The following FAM222A variants were observed in gnomAD, a reference collection of about 807,000 sequenced individuals.
FAM222A encodes the protein family with sequence similarity 222 member A.
A neutral mutation model predicts 25.8 loss-of-function variants in FAM222A; 7 were observed. The ratio of observed to expected loss-of-function variants is 0.27; its 90% CI spans 0.15 to 0.51. FAM222A has a LOEUF of 0.51. FAM222A is among the 20% of genes least tolerant of loss of function. The pLI is 0.97. For synonymous variants in FAM222A, 294 were observed against 298.8 expected, an observed-to-expected ratio of 0.98 and a Z score of 0.17; for missense variants, 573 against 640.5, an observed-to-expected ratio of 0.89 and a Z score of 1.14.
chr12:109,719,020 C>T (rs1289162530), intron 1 of FAM222A, among the ~76,000 whole-genome samples: 2 of 152,196 alleles, frequency 1.3e-5, no homozygotes, highest in Non-Finnish European at 2.9e-5. Flanking sequence ...GAGTTAGTGC[C>T]ACTTCAGAGA....
intron 2 of FAM222A, among the ~76,000 whole-genome samples, chr12:109,765,464 T>C (rs535079185): frequency 8.5e-5 from 13 of 152,232 alleles, no homozygotes; most frequent in Admixed American, 7.8e-4. Context: ...TCCTCCCGAG[T>C]CATTTGCAGT....
At chr12:109,732,185 C>G (rs976761361) in intron 1 of FAM222A, among the ~76,000 whole-genome samples, 1 of 152,254 alleles carries the variant, frequency 6.6e-6, no homozygotes, top group Admixed American at 6.5e-5. Context: ...CCCTCACACC[C>G]ATGCTTCTGA....
intron 2 of FAM222A, among the ~76,000 whole-genome samples, chr12:109,746,342 A>T (rs1344434533): frequency 6.6e-6 from 1 of 152,124 alleles, no homozygotes; most frequent in Non-Finnish European, 1.5e-5. Context: ...TACAAAAATT[A>T]TCCAGGCATG....
chr12:109,764,487 T>C (rs1352669845), intron 2 of FAM222A, among the ~76,000 whole-genome samples: 1 of 152,204 alleles, frequency 6.6e-6, no homozygotes, highest in African/African-American at 2.4e-5. Context: ...GATTTAATCA[T>C]TTTCACAGTT....
At chr12:109,730,655 G>A (rs189819867) in intron 1 of FAM222A, among the ~76,000 whole-genome samples, 105 of 152,292 alleles carry the variant, frequency 6.9e-4, no homozygotes, top group Middle Eastern at 3.4e-3. Context: ...GCGTGTGTCT[G>A]GTCATCTTTG....
In FAM222A at chr12:109,744,199, G is replaced by A. The variant is rs369986211; in HGVS notation, c.53G>A (p.Cys18Tyr). ...TQNAPGQHLA[C>Y]PSKSLELRKC... ...AACGCCCCGGGCCAACACCTGGCCT[G>A]CCCGAGCAAGAGCCTGGAGCTGCGC... The change falls in exon 2 of 3, where the codon TGC (cysteine) becomes TAC (tyrosine). Residue 18 changes from cysteine (C) to tyrosine (Y), a missense_variant. Physicochemically the swap from Cys to Tyr is radical, Grantham distance 194. Transcript: ENST00000538780. 57 of 1,613,278 alleles carry A rather than the reference G, an allele frequency of 3.5e-5. No individual in the cohort carries two copies. The highest frequency in any genetic ancestry group is 4.6e-5 in the Non-Finnish European group (54 of 1,180,020).
Position 109,713,917 on chromosome 12 carries a change from G to C in FAM222A, c.-1027G>C, listed in dbSNP as rs561967108. Among the ~76,000 whole-genome samples the C allele has an allele frequency of 2.3e-4, 34 of 146,764 alleles. No individual in the cohort carries two copies. In the South Asian group the frequency reaches 7.1e-3, roughly 30 times the overall value. ...CCGGCCGGGGGAGGCGGACAGCCGG[G>C]CCCGGCGCCTGTGGGGCGCGGCGCG... On this transcript the variant is annotated 5_prime_UTR_variant, in exon 1 of 3. Transcript: ENST00000538780.
intron 1 of FAM222A, among the ~76,000 whole-genome samples, chr12:109,726,119 T>TC (rs755311775): frequency 9.1e-6 from 1 of 110,382 alleles, no homozygotes; most frequent in Non-Finnish European, 1.8e-5. Context: ...AAAAAATTGC[T>TC]AAAAAAAAAA....
chr12:109,718,589 G>A (rs920744029), intron 1 of FAM222A, among the ~76,000 whole-genome samples: 1 of 152,210 alleles, frequency 6.6e-6, no homozygotes, highest in African/African-American at 2.4e-5. Flanking sequence ...AGCAGCGGCC[G>A]GAGCCGCTTT....
rs548675383 is a variant in FAM222A at position 109,715,224 on chromosome 12, G to C, written c.-47+327G>C. ...AACTCCAGTGTCTTGGAAGGGCTGG[G>C]GGGTGGGGGGCACCCAGGATGGGAA... is the stretch of plus-strand genomic sequence containing the variant. On this transcript the variant is annotated intron_variant, in intron 1 of 2. Transcript: ENST00000538780. Among the ~76,000 whole-genome samples the C allele has an allele frequency of 6.6e-5, 10 of 152,294 alleles. No individual in the cohort carries two copies. In the East Asian group the frequency reaches 1.7e-3, roughly 27 times the overall value.
Position 109,768,572 on chromosome 12 carries a change from G to T in FAM222A, c.643G>T (p.Ala215Ser). Residue 215 changes from alanine (A) to serine (S), a missense_variant, in exon 3 of 3, where the codon GCC becomes TCC. By Grantham distance (99) the Ala-to-Ser change is moderately conservative. Coordinates refer to ENST00000538780, the MANE Select transcript of FAM222A (RefSeq NM_032829.3). ...QLNQQCQAPG[A>S]APPACQGMAI... The stretch of plus-strand genomic sequence containing the variant: ...CAACCAGCAGTGCCAGGCCCCGGGC[G>T]CCGCACCCCCTGCCTGCCAGGGCAT... 6.2e-7 allele frequency: 1 copy of T among 1,601,522 alleles called. No homozygotes were observed.
At chr12:109,741,275 G>A (rs935823076) in intron 1 of FAM222A, among the ~76,000 whole-genome samples, 11 of 152,158 alleles carry the variant, frequency 7.2e-5, no homozygotes, top group Non-Finnish European at 1.0e-4. Flanking sequence ...AGAGAAAAAA[G>A]TCCCTCCTCT....
intron 1 of FAM222A, among the ~76,000 whole-genome samples, chr12:109,718,012 C>A (rs1034315922): frequency 5.3e-5 from 8 of 152,278 alleles, no homozygotes; most frequent in Non-Finnish European, 1.2e-4. Context: ...GGCTGTGTGA[C>A]CTCGGGTGAG....
At position 109,768,893 on chromosome 12, in the gene FAM222A, G is replaced by A. The variant is rs565842202; in HGVS notation, c.964G>A (p.Glu322Lys). The A allele has an allele frequency of 7.0e-6, 11 of 1,582,102 alleles. No individual in the cohort carries two copies. The highest frequency in any genetic ancestry group is 4.6e-5 in the East Asian group (2 of 43,646). The change falls in exon 3 of 3, where the codon GAG becomes AAG. Residue 322 changes from glutamate to lysine, a missense_variant. Coordinates refer to ENST00000538780, the MANE Select transcript of FAM222A (RefSeq NM_032829.3). ...SPEACGGRAY[E>K]RASGSPLNCG... ...TGAGGCTTGCGGGGGCCGGGCATAC[G>A]AGCGGGCCAGCGGGTCACCCCTCAA...
Position 109,748,843 on chromosome 12 carries a change from G to A in FAM222A, c.82+4615G>A, listed in dbSNP as rs988594166. 5.9e-5 allele frequency among the ~76,000 whole-genome samples: 9 copies of A among 151,866 alleles called. 1 individual carries two copies. The South Asian group carries it at 1.7e-3, about 28-fold the overall frequency. On this transcript the variant is annotated intron_variant, in intron 2 of 2. Coordinates refer to ENST00000538780, the MANE Select transcript of FAM222A (RefSeq NM_032829.3). ...TATTTATTAGTAATTATTCTTTTCT[G>A]GTTTCTAACTCATTAATTTGTGCTT...
intron 2 of FAM222A, among the ~76,000 whole-genome samples, chr12:109,746,902 C>A (rs1194044525): frequency 6.6e-6 from 1 of 152,050 alleles, no homozygotes; most frequent in Non-Finnish European, 1.5e-5. Context: ...ATATCCAGGT[C>A]GAGTAGCCCT....
At chr12:109,748,152 G>C (rs947273459) in intron 2 of FAM222A, among the ~76,000 whole-genome samples, 3 of 152,148 alleles carry the variant, frequency 2.0e-5, no homozygotes, top group Admixed American at 1.3e-4. Flanking sequence ...CCATCGGTGA[G>C]TTAATATGAA....
intron 1 of FAM222A, among the ~76,000 whole-genome samples, chr12:109,720,633 A>G (rs573017942): frequency 1.3e-5 from 2 of 152,338 alleles, no homozygotes; most frequent in South Asian, 2.1e-4. Flanking sequence ...AGGAACTGCT[A>G]TTTTTGCTCT....
At chr12:109,721,289 G>A (rs544111256) in intron 1 of FAM222A, among the ~76,000 whole-genome samples, 9 of 152,306 alleles carry the variant, frequency 5.9e-5, no homozygotes, top group African/African-American at 1.2e-4. Flanking sequence ...GGCAGGGGCC[G>A]AGGGGACGCT....
Sources: gnomAD v4.1 joint callset for allele counts (sites outside exome capture counted in the v4.1 genomes callset) on GRCh38, gnomAD v4.1.1 for gene constraint, MANE v1.5 for transcripts, NCBI Gene and HGNC (gene_info 2026-07-23, HGNC 2026-07-21) for gene names.